Variants in GXYLT2 observed in about 807,000 individuals in gnomAD.
The protein encoded by GXYLT2 is glycosyltransferase 8 domain containing 4.
GXYLT2 carries 53 observed loss-of-function variants against 45.8 expected under a neutral mutation model. That is an observed-to-expected ratio of 1.16 (90% CI 0.93 to 1.46). The LOEUF (loss-of-function observed/expected upper bound fraction) is 1.46, where lower values mean the gene tolerates loss of function less well. GXYLT2 is among the 40% of genes most tolerant of loss of function. The pLI is 0.00. For missense variants in GXYLT2, 551 were observed against 544.4 expected (o/e 1.01, Z -0.12); for synonymous variants, 219 against 214.2 (o/e 1.02, Z -0.19).
intron 1 of GXYLT2, among the ~76,000 whole-genome samples, chr3:72,889,907 GT>G (rs5850087): frequency 0.26 from 31,107 of 118,254 alleles, 2,743 homozygotes; most frequent in Non-Finnish European, 0.31. Context: ...TTTTTTTTTT[GT>G]TTTTTTTTTT....
At chr3:72,929,782 A>G (rs1049647554) in intron 3 of GXYLT2, among the ~76,000 whole-genome samples, 2 of 152,264 alleles carry the variant, frequency 1.3e-5, no homozygotes, top group Admixed American at 1.3e-4. Flanking sequence ...AATATTAGAC[A>G]TATAGAAAAC....
chr3:72,950,455 C>T (rs1487507843), intron 3 of GXYLT2, among the ~76,000 whole-genome samples: 1 of 151,894 alleles, frequency 6.6e-6, no homozygotes, highest in Admixed American at 6.6e-5. Context: ...TGCGAGACTT[C>T]ATCTCAAAAA....
At chr3:72,938,579 C>T (rs1455250347) in intron 3 of GXYLT2, among the ~76,000 whole-genome samples, 1 of 152,132 alleles carries the variant, frequency 6.6e-6, no homozygotes, top group Non-Finnish European at 1.5e-5. Context: ...CCATGGCTAA[C>T]GGAATGTCTA....
intron 1 of GXYLT2, among the ~76,000 whole-genome samples, chr3:72,895,071 C>T (rs1575773321): frequency 6.6e-6 from 1 of 152,196 alleles, no homozygotes; most frequent in East Asian, 1.9e-4. Flanking sequence ...GCTAAGGGAA[C>T]AGCGTAAGGG....
chr3:72,951,097 A>T (rs1236132761), intron 3 of GXYLT2, among the ~76,000 whole-genome samples: 2 of 152,184 alleles, frequency 1.3e-5, no homozygotes, highest in East Asian at 3.8e-4. Context: ...CCCACATCCC[A>T]TTATAACATG....
chr3:72,956,470 T>G (rs1710649216), intron 4 of GXYLT2, among the ~76,000 whole-genome samples: 1 of 152,206 alleles, frequency 6.6e-6, no homozygotes, highest in South Asian at 2.1e-4. Flanking sequence ...GTGTTTTTCC[T>G]TAAGATACCT....
chr3:72,937,444 A>G (rs1053506671), intron 3 of GXYLT2, among the ~76,000 whole-genome samples: 38 of 152,218 alleles, frequency 2.5e-4, no homozygotes, highest in African/African-American at 8.7e-4. Flanking sequence ...ATGACCACCC[A>G]ATGCCTACTG....
intron 1 of GXYLT2, among the ~76,000 whole-genome samples, chr3:72,904,886 A>AC (rs1223118081): frequency 1.8e-5 from 1 of 55,140 alleles, no homozygotes; most frequent in Non-Finnish European, 6.8e-5. Context: ...ACAAAAAAAA[A>AC]AAAAAAAAAA....
intron 3 of GXYLT2, among the ~76,000 whole-genome samples, chr3:72,934,917 G>C (rs1006073935): frequency 6.6e-6 from 1 of 152,170 alleles, no homozygotes; most frequent in Non-Finnish European, 1.5e-5. Context: ...GACATGGAAG[G>C]ATTCCCCATT....
intron 3 of GXYLT2, among the ~76,000 whole-genome samples, chr3:72,933,144 C>T (rs756896772): frequency 2.0e-5 from 3 of 152,118 alleles, no homozygotes; most frequent in Non-Finnish European, 4.4e-5. Context: ...TGATATGTAG[C>T]ATGAAACTAC....
chr3:72,912,883 A>G (rs180688106), intron 2 of GXYLT2, among the ~76,000 whole-genome samples: 1 of 152,274 alleles, frequency 6.6e-6, no homozygotes, highest in African/African-American at 2.4e-5. Flanking sequence ...TTTTGGGGTA[A>G]TTTTTTATGA....
intron 3 of GXYLT2, among the ~76,000 whole-genome samples, chr3:72,940,553 G>A (rs536571724): frequency 3.5e-4 from 53 of 152,226 alleles, no homozygotes; most frequent in African/African-American, 8.7e-4. Context: ...TTGGAGTGGT[G>A]GTGTGGTGAG....
intron 6 of GXYLT2, 58 bp downstream of exon 6, chr3:72,967,777 C>T (rs1180703436): frequency 1.1e-5 from 16 of 1,476,238 alleles, no homozygotes; most frequent in South Asian, 7.1e-5. Context: ...GCAATATTGG[C>T]GCTTTAGTCA....
Position 72,917,856 on chromosome 3 carries a change from C to T in GXYLT2, c.469-4348C>T, listed in dbSNP as rs543851796. ...TAATAAATGGAAAAAAAACCCATTA[C>T]ACTAATGCTCAGGGAGAACAGTTTT... On this transcript the variant is annotated intron_variant, in intron 2 of 6. Coordinates refer to ENST00000389617, the MANE Select transcript of GXYLT2 (RefSeq NM_001080393.2). 6.1e-4 allele frequency among the ~76,000 whole-genome samples: 92 copies of T among 151,792 alleles called. 1 individual carries two copies. In the South Asian group the frequency reaches 0.019, roughly 31 times the overall value.
Position 72,966,956 on chromosome 3 carries a change from CAG to C in GXYLT2, c.977-590_977-589del, listed in dbSNP as rs545672228. ...CTAATTTTTAAAATTTGTATGGAGA[CAG>C]GGGTCTTGCTATGTTGCCCAAGCTG... On this transcript the variant is annotated intron_variant, in intron 5 of 6. Transcript: ENST00000389617. 2.6e-3 allele frequency among the ~76,000 whole-genome samples: 393 copies of C among 152,140 alleles called. 2 individuals are homozygous for C. Among genetic ancestry groups the C allele is most frequent in the Non-Finnish European group, 4.0e-3 (270 of 67,990 alleles).
At chr3:72,933,016 A>G (rs1211757965) in intron 3 of GXYLT2, among the ~76,000 whole-genome samples, 1 of 152,210 alleles carries the variant, frequency 6.6e-6, no homozygotes, top group Admixed American at 6.5e-5. Flanking sequence ...AATATTGCCT[A>G]TCTCATAGTG....
chr3:72,909,394 T>G (rs940937110), intron 2 of GXYLT2, among the ~76,000 whole-genome samples: 2 of 151,994 alleles, frequency 1.3e-5, no homozygotes, highest in African/African-American at 4.8e-5. Flanking sequence ...CATATATAGT[T>G]GTCTGTCTAT....
chr3:72,944,402 G>A (rs1710363804), intron 3 of GXYLT2, among the ~76,000 whole-genome samples: 1 of 151,778 alleles, frequency 6.6e-6, no homozygotes, highest in Non-Finnish European at 1.5e-5. Context: ...TTACAAACGT[G>A]TGCCACCATG....
At chr3:72,937,629 A>G (rs1400131655) in intron 3 of GXYLT2, among the ~76,000 whole-genome samples, 1 of 152,214 alleles carries the variant, frequency 6.6e-6, no homozygotes, top group East Asian at 1.9e-4. Context: ...AGATTCTCCT[A>G]AAGAATAGTC....
Sources: allele counts gnomAD v4.1 joint callset (sites outside exome capture counted in the v4.1 genomes callset), GRCh38; gene constraint gnomAD v4.1.1; transcripts MANE v1.5; gene names NCBI Gene and HGNC (gene_info 2026-07-23, HGNC 2026-07-21).